SMYD3: variants seen among roughly 807,000 people sequenced by gnomAD.
The protein encoded by SMYD3 is histone-lysine N-methyltransferase SMYD3.
A neutral mutation model predicts 57.7 loss-of-function variants in SMYD3; 36 were observed. The observed-to-expected ratio is 0.62, with a 90% confidence interval of 0.48 to 0.82. SMYD3 has a LOEUF of 0.82. Ranked by LOEUF, SMYD3 falls within the 40% of genes least tolerant of loss-of-function variation. The pLI is 0.00. For synonymous variants in SMYD3, 211 were observed against 195.0 expected (o/e 1.08, Z -0.68); for missense variants, 515 against 538.8 (o/e 0.96, Z 0.44).
intron 5 of SMYD3, among the ~76,000 whole-genome samples, chr1:245,978,146 A>G (rs879485797): frequency 6.6e-6 from 1 of 152,200 alleles, no homozygotes; most frequent in Non-Finnish European, 1.5e-5. Context: ...AACGCTTCCA[A>G]GTCGGAACAT....
intron 10 of SMYD3, among the ~76,000 whole-genome samples, chr1:245,822,006 C>T (rs536767953): frequency 2.0e-5 from 3 of 151,948 alleles, no homozygotes; most frequent in Non-Finnish European, 2.9e-5. Context: ...TCAGGGATCT[C>T]GAACTAGAAA....
chr1:245,920,127 C>A (rs535763748), intron 7 of SMYD3, among the ~76,000 whole-genome samples: 15 of 152,156 alleles, frequency 9.9e-5, no homozygotes, highest in African/African-American at 2.4e-4. Context: ...TCCTGGCTAA[C>A]ACGGTGAAAC....
At chr1:246,452,817 A>C (rs540251621) in intron 1 of SMYD3, among the ~76,000 whole-genome samples, 1 of 152,354 alleles carries the variant, frequency 6.6e-6, no homozygotes, top group African/African-American at 2.4e-5. Context: ...GGAAAAATAC[A>C]TTTCATATCA....
chr1:245,878,656 G>A (rs1017947844), intron 8 of SMYD3, among the ~76,000 whole-genome samples: 1 of 152,214 alleles, frequency 6.6e-6, no homozygotes, highest in Non-Finnish European at 1.5e-5. Flanking sequence ...GGTAAAAAGG[G>A]GCCAGCTGAG....
At chr1:246,179,965 C>T (rs2062507961) in intron 5 of SMYD3, among the ~76,000 whole-genome samples, 2 of 151,978 alleles carry the variant, frequency 1.3e-5, no homozygotes, top group Admixed American at 1.3e-4. Flanking sequence ...TACTTGTTAT[C>T]AGAGTAGCAG....
intron 10 of SMYD3, among the ~76,000 whole-genome samples, chr1:245,774,991 C>A (rs1002783058): frequency 6.6e-6 from 1 of 152,230 alleles, no homozygotes; most frequent in South Asian, 2.1e-4. Flanking sequence ...GACGGAGTCT[C>A]GTTCACTCAG....
At chr1:245,797,004 G>A (rs2791393) in intron 10 of SMYD3, among the ~76,000 whole-genome samples, 16,212 of 152,202 alleles carry the variant, frequency 0.11, 1,049 homozygotes, top group Non-Finnish European at 0.14. Context: ...TATCTGTACC[G>A]GTTAGTGTAC....
At chr1:246,023,365 A>G (rs1478353522) in intron 5 of SMYD3, among the ~76,000 whole-genome samples, 1 of 152,236 alleles carries the variant, frequency 6.6e-6, no homozygotes, top group Non-Finnish European at 1.5e-5. Context: ...TAGCTCTCGC[A>G]GATTAATCAA....
At chr1:246,123,120 G>A (rs1163011354) in intron 5 of SMYD3, among the ~76,000 whole-genome samples, 1 of 152,080 alleles carries the variant, frequency 6.6e-6, no homozygotes, top group Non-Finnish European at 1.5e-5. Flanking sequence ...CAATTACAAA[G>A]TTCAAAATCA....
At chr1:246,398,379 G>A (rs1029225879) in intron 1 of SMYD3, among the ~76,000 whole-genome samples, 3 of 152,272 alleles carry the variant, frequency 2.0e-5, no homozygotes, top group Non-Finnish European at 2.9e-5. Flanking sequence ...AGGACAGCCC[G>A]CCTGTGAGCT....
At chr1:246,388,044 C>T (rs1220896586) in intron 1 of SMYD3, among the ~76,000 whole-genome samples, 2 of 61,828 alleles carry the variant, frequency 3.2e-5, no homozygotes, top group African/African-American at 1.3e-4. Flanking sequence ...TCTTGAAAAT[C>T]ACCTCGAGGT....
At chr1:245,993,667 T>G (rs4654075) in intron 5 of SMYD3, among the ~76,000 whole-genome samples, 1 of 111,188 alleles carries the variant, frequency 9.0e-6, no homozygotes, top group African/African-American at 3.6e-5. Context: ...GACAGACAGA[T>G]ATAGATTCCA....
chr1:245,874,268 G>T (rs1452734944), intron 8 of SMYD3, among the ~76,000 whole-genome samples: 1 of 152,148 alleles, frequency 6.6e-6, no homozygotes, highest in African/African-American at 2.4e-5. Flanking sequence ...TCTAACATTT[G>T]TATGTATAAT....
intron 5 of SMYD3, among the ~76,000 whole-genome samples, chr1:246,163,071 T>C (rs1211125069): frequency 6.6e-6 from 1 of 152,210 alleles, no homozygotes; most frequent in African/African-American, 2.4e-5. Context: ...GAAAATATCC[T>C]TGGAACATTA....
intron 5 of SMYD3, among the ~76,000 whole-genome samples, chr1:246,032,498 G>A (rs1199248229): frequency 1.3e-5 from 2 of 152,210 alleles, no homozygotes; most frequent in Non-Finnish European, 2.9e-5. Flanking sequence ...AGAACGGGAT[G>A]GAGAGCTCAT....
intron 5 of SMYD3, among the ~76,000 whole-genome samples, chr1:246,159,118 G>A (rs777337975): frequency 2.6e-5 from 4 of 152,106 alleles, no homozygotes; most frequent in East Asian, 3.9e-4. Context: ...GAATGAGAGC[G>A]CCAACCATTA....
chr1:246,342,038 G>A (rs1253254315), intron 2 of SMYD3, among the ~76,000 whole-genome samples: 1 of 152,134 alleles, frequency 6.6e-6, no homozygotes, highest in East Asian at 1.9e-4. Context: ...ACAAATATCT[G>A]AATTATGTCA....
intron 5 of SMYD3, among the ~76,000 whole-genome samples, chr1:246,093,079 T>G (rs1408472794): frequency 6.6e-6 from 1 of 152,148 alleles, no homozygotes; most frequent in Non-Finnish European, 1.5e-5. Flanking sequence ...TCACCCCAGT[T>G]AAAATGGCCA....
chr1:246,386,966 G>C (rs1373038684), intron 1 of SMYD3, among the ~76,000 whole-genome samples: 1 of 151,942 alleles, frequency 6.6e-6, no homozygotes. Flanking sequence ...TCGAGGTATA[G>C]GCCAGTACAT....
Sources: gnomAD v4.1 joint callset for allele counts (sites outside exome capture counted in the v4.1 genomes callset) on GRCh38, gnomAD v4.1.1 for gene constraint, MANE v1.5 for transcripts, NCBI Gene and HGNC (gene_info 2026-07-23, HGNC 2026-07-21) for gene names.